The following ADGRV1 variants were observed in gnomAD, a reference collection of about 807,000 sequenced individuals.
The protein encoded by ADGRV1 is adhesion G protein-coupled receptor V1, also known as G-protein coupled receptor 98.
In ADGRV1, 359 loss-of-function variants were observed where a neutral mutation model predicts 596.2. The ratio of observed to expected loss-of-function variants is 0.60; its 90% CI spans 0.55 to 0.66. ADGRV1 has a LOEUF of 0.66. Among genes scored for constraint, ADGRV1 ranks in the 30% least tolerant of loss-of-function variants. ADGRV1 has a pLI of 0.00. For missense variants in ADGRV1, 7,274 were observed against 7,575.6 expected (o/e 0.96, Z 1.48); for synonymous variants, 2,681 against 2,679.2 (o/e 1.00, Z -0.02).
At chr5:90,849,203 T>C (rs1429371290) in intron 79 of ADGRV1, among the ~76,000 whole-genome samples, 1 of 152,144 alleles carries the variant, frequency 6.6e-6, no homozygotes, top group African/African-American at 2.4e-5. Context: ...ACTGTGATTG[T>C]TCTGTCCATT....
At chr5:90,763,493 G>A (rs750078231) in intron 59 of ADGRV1, 24 bp downstream of exon 59, 4 of 1,575,368 alleles carry the variant, frequency 2.5e-6, no homozygotes, top group South Asian at 1.2e-5. Flanking sequence ...TAGCACTCCT[G>A]TAATTTTTCC....
At chr5:90,765,460 C>T (rs2150025595) in intron 59 of ADGRV1, among the ~76,000 whole-genome samples, 1 of 148,430 alleles carries the variant, frequency 6.7e-6, no homozygotes, top group Middle Eastern at 3.4e-3. Flanking sequence ...CACACACACA[C>T]ACACACACAC....
chr5:90,982,024 G>A (rs753814286), intron 84 of ADGRV1, among the ~76,000 whole-genome samples: 6 of 152,134 alleles, frequency 3.9e-5, no homozygotes, highest in Non-Finnish European at 8.8e-5. Context: ...GGACTTCAAG[G>A]CTGCAGTGAG....
At chr5:91,032,842 G>A (rs934995285) in intron 85 of ADGRV1, among the ~76,000 whole-genome samples, 1 of 152,238 alleles carries the variant, frequency 6.6e-6, no homozygotes. Context: ...AAATCTCTAT[G>A]AATGTTTTAA....
At chr5:90,681,278 A>ATTT in intron 26 of ADGRV1, 37 bp from the exon 27 acceptor site, 8 of 1,453,164 alleles carry the variant, frequency 5.5e-6, no homozygotes, top group Admixed American at 1.9e-5. Context: ...ACTGATCATC[A>ATTT]TTTTTTTTTT....
chr5:90,793,833 G>A (rs939345602), intron 70 of ADGRV1, among the ~76,000 whole-genome samples: 7 of 151,882 alleles, frequency 4.6e-5, no homozygotes, highest in African/African-American at 1.7e-4. Context: ...CCTCTTTTTT[G>A]GTCACTTTAA....
chr5:90,783,291 T>C lies in ADGRV1; in HGVS notation c.13399T>C (p.Phe4467Leu). The change falls in exon 66 of 90, where the codon TTT (phenylalanine) becomes CTT (leucine). Residue 4467 changes from phenylalanine (F) to leucine (L), a missense_variant. By Grantham distance (22) the Phe-to-Leu change is conservative. Coordinates refer to ENST00000405460, the MANE Select transcript of ADGRV1 (RefSeq NM_032119.4). Reference sequence around the variant, plus strand: ...CTTTCAGCATGGGCAAAACTTAAGTTTTATAAATATCTCCATCATTGATGA... The same window carrying C: ...CTTTCAGCATGGGCAAAACTTAAGTCTTATAAATATCTCCATCATTGATGA... Reference protein sequence around the residue: ...VTFQHGQNLSFINISIIDDNE... With the variant: ...VTFQHGQNLSLINISIIDDNE... 6.2e-7 allele frequency: 1 copy of C among 1,612,966 alleles called. No homozygotes were observed. The highest frequency in any genetic ancestry group is 8.5e-7 in the Non-Finnish European group (1 of 1,179,146).
chr5:90,585,178 T>C (rs1758584393), intron 1 of ADGRV1, among the ~76,000 whole-genome samples: 1 of 152,186 alleles, frequency 6.6e-6, no homozygotes, highest in African/African-American at 2.4e-5. Flanking sequence ...TCAAAGAATA[T>C]AACAAAATGA....
At chr5:91,035,725 A>T (rs1784804021) in intron 85 of ADGRV1, among the ~76,000 whole-genome samples, 1 of 150,886 alleles carries the variant, frequency 6.6e-6, no homozygotes, top group East Asian at 1.9e-4. Context: ...AGCTGGTGTG[A>T]CCTTAGACAA....
At chr5:91,051,203 C>T (rs1275867598) in intron 85 of ADGRV1, among the ~76,000 whole-genome samples, 1 of 152,156 alleles carries the variant, frequency 6.6e-6, no homozygotes, top group Non-Finnish European at 1.5e-5. Flanking sequence ...TGATTATATG[C>T]ATGTTTTAAA....
chr5:90,986,120 A>G (rs1780484294), intron 85 of ADGRV1, among the ~76,000 whole-genome samples: 1 of 148,112 alleles, frequency 6.8e-6, no homozygotes, highest in Admixed American at 6.8e-5. Flanking sequence ...GCATATATAT[A>G]TATATATGTG....
intron 86 of ADGRV1, among the ~76,000 whole-genome samples, chr5:91,080,825 A>G (rs566837917): frequency 6.9e-4 from 105 of 152,172 alleles, no homozygotes; most frequent in Non-Finnish European, 1.1e-3. Context: ...AGTTCCTGAA[A>G]CATACTAAGT....
chr5:90,605,355 C>G (rs1276799215), intron 1 of ADGRV1, among the ~76,000 whole-genome samples: 1 of 149,866 alleles, frequency 6.7e-6, no homozygotes, highest in Non-Finnish European at 1.5e-5. Flanking sequence ...GTGGAGGTTG[C>G]AGTGAGCCAA....
chr5:90,652,553 A>G lies in ADGRV1; in HGVS notation c.3624A>G (p.Val1208=). ...ATGAATTTTATTTCCTAAAACTTGT[A>G]AACATTTCAGGTACTGTGTTTTTCC... ...EFNEFYFLKL[V]NISGGSPGPG... The change falls in exon 19 of 90, where the codon GTA becomes GTG. Residue 1208 remains valine (V), a synonymous_variant. Transcript: ENST00000405460. 6 of 1,598,568 alleles carry G rather than the reference A, an allele frequency of 3.8e-6. No individual in the cohort carries two copies. The highest frequency in any genetic ancestry group is 2.2e-5 in the East Asian group (1 of 44,712).
At chr5:91,025,968 C>T (rs1450609616) in intron 85 of ADGRV1, among the ~76,000 whole-genome samples, 2 of 152,084 alleles carry the variant, frequency 1.3e-5, no homozygotes, top group Non-Finnish European at 2.9e-5. Flanking sequence ...AAAATGCCGT[C>T]TAATAATGAC....
chr5:91,112,757 A>G (rs934836839), intron 87 of ADGRV1, among the ~76,000 whole-genome samples: 1 of 152,194 alleles, frequency 6.6e-6, no homozygotes, highest in Non-Finnish European at 1.5e-5. Flanking sequence ...GATTTAGTAG[A>G]AGGTGCATGC....
rs1167941109 is a variant in ADGRV1 at position 90,989,713 on chromosome 5, T to TCA, written c.18152+4195_18152+4196dup. ...GTAGCTTGATAGGTCATCCATGGTTTCACACTAAACTGCTGAACCAGTTTT... is the reference window on the plus strand; with the variant it reads ...GTAGCTTGATAGGTCATCCATGGTTTCACACACTAAACTGCTGAACCAGTTTT... On this transcript the variant is annotated intron_variant, in intron 85 of 89. Transcript: ENST00000405460. Among the ~76,000 whole-genome samples the TCA allele has an allele frequency of 2.0e-5, 3 of 152,236 alleles. No homozygotes were observed. The East Asian group carries it at 5.8e-4, about 29-fold the overall frequency.
intron 83 of ADGRV1, among the ~76,000 whole-genome samples, chr5:90,922,303 C>T (rs1773953274): frequency 6.6e-6 from 1 of 151,756 alleles, no homozygotes; most frequent in South Asian, 2.1e-4. Context: ...TTGTTGTTGC[C>T]CTTCAGGAAA....
Position 90,783,933 on chromosome 5 carries a change from G to C in ADGRV1, c.13529G>C (p.Ser4510Thr). The change falls in exon 67 of 90, where the codon AGT becomes ACT. Residue 4510 changes from serine to threonine, a missense_variant. By Grantham distance (58) the Ser-to-Thr change is moderately conservative. Transcript: ENST00000405460. ...GTGAGCAGAATCATAATAGCTAAGA[G>C]TGACTCTCCCTTTGGAGTTATAAGG... is the stretch of plus-strand genomic sequence containing the variant. ...HLVSRIIIAK[S>T]DSPFGVIRFL... 1 of 1,612,486 alleles carries C rather than the reference G, an allele frequency of 6.2e-7. No individual in the cohort carries two copies. Among genetic ancestry groups the C allele is most frequent in the Non-Finnish European group, 8.5e-7 (1 of 1,179,286 alleles).
Sources: gnomAD v4.1 joint callset for allele counts (sites outside exome capture counted in the v4.1 genomes callset) on GRCh38, gnomAD v4.1.1 for gene constraint, MANE v1.5 for transcripts, NCBI Gene and HGNC (gene_info 2026-07-23, HGNC 2026-07-21) for gene names.